The following ZHX3 variants were observed in gnomAD, a reference collection of about 807,000 sequenced individuals.
ZHX3 encodes the protein zinc fingers and homeoboxes protein 3.
In ZHX3, 20 loss-of-function variants were observed where a neutral mutation model predicts 64.5. The ratio of observed to expected loss-of-function variants is 0.31; its 90% CI spans 0.22 to 0.45. The LOEUF (loss-of-function observed/expected upper bound fraction) is 0.45, where lower values mean the gene tolerates loss of function less well. Ranked by LOEUF, ZHX3 falls within the 20% of genes least tolerant of loss-of-function variation. ZHX3 has a pLI of 1.00. For missense variants in ZHX3, 1,041 were observed against 1,195.8 expected (o/e 0.87, Z 1.91); for synonymous variants, 423 against 461.6 (o/e 0.92, Z 1.07).
chr20:41,199,702 C>CTTT (rs34316877), intron 3 of ZHX3, among the ~76,000 whole-genome samples: 22 of 136,744 alleles, frequency 1.6e-4, no homozygotes, highest in African/African-American at 5.4e-4. Context: ...TCAAAAAACT[C>CTTT]TTTTTTTTTT....
At position 41,205,065 on chromosome 20, in the gene ZHX3, A is replaced by G. The variant is rs2038588157; in HGVS notation, c.-149T>C. The stretch of plus-strand genomic sequence containing the variant: ...GCAGAAAGCAGGTTTTCCCTATTCA[A>G]TCTAAGGAAAGGGAGAAAAAAATGA... On this transcript the variant is annotated splice_region_variant and 5_prime_UTR_variant, in exon 3 of 4. Coordinates refer to ENST00000683867, the MANE Select transcript of ZHX3 (RefSeq NM_001384317.1). The G allele has an allele frequency of 3.1e-6, 4 of 1,292,982 alleles. No individual in the cohort carries two copies. The highest frequency in any genetic ancestry group is 3.0e-6 in the Non-Finnish European group (3 of 1,007,026). 80.1% of individuals were successfully genotyped at this position (1,292,982 alleles called of 1,614,324 possible).
Position 41,184,492 on chromosome 20 carries a change from G to A in ZHX3, c.*699C>T, listed in dbSNP as rs187794034. 3.8e-4 allele frequency: 67 copies of A among 176,570 alleles called. No homozygotes were observed. Among genetic ancestry groups the A allele is most frequent in the Middle Eastern group, 2.8e-3 (1 of 360 alleles). 10.9% of individuals were successfully genotyped at this position (176,570 alleles called of 1,614,324 possible). On this transcript the variant is annotated 3_prime_UTR_variant, in exon 4 of 4. Coordinates refer to ENST00000683867, the MANE Select transcript of ZHX3 (RefSeq NM_001384317.1). Reference sequence around the variant, plus strand: ...TAAAGAGAATGGTAAAGCATCCAACGCTAATCACATTGCCAGTCCATTTTT... The same window carrying A: ...TAAAGAGAATGGTAAAGCATCCAACACTAATCACATTGCCAGTCCATTTTT...
chr20:41,244,347 C>T (rs1172014282), intron 2 of ZHX3, among the ~76,000 whole-genome samples: 2 of 152,156 alleles, frequency 1.3e-5, no homozygotes, highest in African/African-American at 4.8e-5. Context: ...CTCTCAGCAA[C>T]TCCCTCAGGT....
At chr20:41,282,224 G>C (rs1264513715) in intron 1 of ZHX3, among the ~76,000 whole-genome samples, 1 of 152,122 alleles carries the variant, frequency 6.6e-6, no homozygotes, top group East Asian at 1.9e-4. Context: ...AGATCCTGTG[G>C]TATGCTGCAA....
rs534492183 is a variant in ZHX3 at position 41,290,414 on chromosome 20, C to T, written c.-244-21331G>A. On this transcript the variant is annotated intron_variant, in intron 1 of 3. Transcript: ENST00000683867. Reference sequence around the variant, plus strand: ...GACAGGTTCACTCCTCCTTAGGCAACCTGGGGGTTCCCTGCTCCCAGGAGG... The same window carrying T: ...GACAGGTTCACTCCTCCTTAGGCAATCTGGGGGTTCCCTGCTCCCAGGAGG... 5 of 152,222 alleles carry T rather than the reference C, an allele frequency of 3.3e-5. No individual in the cohort carries two copies. In the South Asian group the frequency reaches 8.3e-4, roughly 25 times the overall value. The allele number at this position is 152,222 out of a possible 1,614,324, so 9.4% of individuals were successfully genotyped here.
intron 2 of ZHX3, among the ~76,000 whole-genome samples, chr20:41,265,090 G>A (rs1300661721): frequency 1.3e-5 from 2 of 151,808 alleles, no homozygotes; most frequent in African/African-American, 4.8e-5. Flanking sequence ...ACATAAAAAT[G>A]AAGGAGAGAC....
At chr20:41,263,261 A>G (rs1195882060) in intron 2 of ZHX3, among the ~76,000 whole-genome samples, 1 of 152,244 alleles carries the variant, frequency 6.6e-6, no homozygotes, top group Non-Finnish European at 1.5e-5. Flanking sequence ...AATGTAACAA[A>G]ATCATTACAT....
rs1203172799 is a variant in ZHX3, at chr20:41,178,511, A to G, written c.*6680T>C. ...AAGGTTTGAAGTACCATTGAGGCCC[A>G]TTTCAAATTGTACAAGCAATTTGTC... On this transcript the variant is annotated 3_prime_UTR_variant, in exon 4 of 4. Transcript: ENST00000683867. 5 of 152,656 alleles carry G rather than the reference A, an allele frequency of 3.3e-5. No individual in the cohort carries two copies. The highest frequency in any genetic ancestry group is 1.3e-4 in the Admixed American group (2 of 15,288). The allele number at this position is 152,656 out of a possible 1,614,324, so 9.5% of individuals were successfully genotyped here.
chr20:41,305,792 T>TATAA lies in ZHX3; in HGVS notation c.-245+11713_-245+11716dup, dbSNP rs545664258. The stretch of plus-strand genomic sequence containing the variant: ...GAGCGAGACTCTGTCTCAAAAAAAA[T>TATAA]ATAAATAAATAAATAAATAAATAAA... On this transcript the variant is annotated intron_variant, in intron 1 of 3. Coordinates refer to ENST00000683867, the MANE Select transcript of ZHX3 (RefSeq NM_001384317.1). Among the ~76,000 whole-genome samples the TATAA allele has an allele frequency of 3.9e-3, 595 of 151,562 alleles. 6 individuals carry two copies. Among genetic ancestry groups the TATAA allele is most frequent in the African/African-American group, 0.013 (538 of 41,362 alleles).
intron 2 of ZHX3, among the ~76,000 whole-genome samples, chr20:41,238,320 T>G (rs566828631): frequency 6.6e-6 from 1 of 152,090 alleles, no homozygotes; most frequent in South Asian, 2.1e-4. Flanking sequence ...CAACTATTTC[T>G]AACAGAGTTT....
At chr20:41,268,433 AAT>A (rs1021469314) in intron 2 of ZHX3, among the ~76,000 whole-genome samples, 5 of 152,316 alleles carry the variant, frequency 3.3e-5, no homozygotes, top group South Asian at 2.1e-4. Flanking sequence ...TTTAAATTTT[AAT>A]ATGTTTTGTA....
chr20:41,185,304 G>A lies in ZHX3; in HGVS notation c.2861-103C>T, dbSNP rs2036429122. The A allele has an allele frequency of 7.3e-7, 1 of 1,366,236 alleles. No individual in the cohort carries two copies. The highest frequency in any genetic ancestry group is 9.9e-7 in the Non-Finnish European group (1 of 1,008,554). 84.6% of individuals were successfully genotyped at this position (1,366,236 alleles called of 1,614,324 possible). On this transcript the variant is annotated intron_variant, in intron 3 of 3. Coordinates refer to ENST00000683867, the MANE Select transcript of ZHX3 (RefSeq NM_001384317.1). The surrounding 1 kb of genome is among the most constrained non-coding windows in gnomAD (Gnocchi z 5.0). The stretch of plus-strand genomic sequence containing the variant: ...CCAGGGTGGCATCACTGGCTTTGAG[G>A]ACCTCTTAATTCCATGAGCAATGAA...
intron 2 of ZHX3, among the ~76,000 whole-genome samples, chr20:41,225,889 T>C (rs2040235848): frequency 6.6e-6 from 1 of 152,168 alleles, no homozygotes; most frequent in Admixed American, 6.5e-5. Flanking sequence ...AAGATGCAAA[T>C]ACTATACCCA....
In ZHX3 at chr20:41,228,100, A is replaced by G. The variant is rs2040381958; in HGVS notation, c.-150-23034T>C. 6.6e-6 allele frequency among the ~76,000 whole-genome samples: 1 copy of G among 152,022 alleles called. No individual in the cohort carries two copies. Among genetic ancestry groups the G allele is most frequent in the South Asian group, 2.1e-4 (1 of 4,804 alleles). On this transcript the variant is annotated intron_variant, in intron 2 of 3. Coordinates refer to ENST00000683867, the MANE Select transcript of ZHX3 (RefSeq NM_001384317.1). The surrounding 1 kb of genome is among the most constrained non-coding windows in gnomAD (Gnocchi z 4.6). Reference sequence around the variant, plus strand: ...CAAGTCTCAAACCACTCAGGACCCAAAGGAAGTTAAGACCCACACCTCTAT... The same window carrying G: ...CAAGTCTCAAACCACTCAGGACCCAGAGGAAGTTAAGACCCACACCTCTAT...
At chr20:41,196,289 A>T (rs866756967) in intron 3 of ZHX3, among the ~76,000 whole-genome samples, 6 of 124,120 alleles carry the variant, frequency 4.8e-5, no homozygotes, top group Middle Eastern at 7.5e-3. Flanking sequence ...ATATATATAA[A>T]TAAATATATA....
chr20:41,312,739 C>T (rs2045177224), intron 1 of ZHX3, among the ~76,000 whole-genome samples: 1 of 152,072 alleles, frequency 6.6e-6, no homozygotes, highest in South Asian at 2.1e-4. Flanking sequence ...GAGGAGAATA[C>T]GGCATGTTTG....
At position 41,201,957 on chromosome 20, in the gene ZHX3, G is replaced by A; in HGVS notation, c.2860+100C>T. ...TTAATGCTGCTGCCAGGCAGCCTTA[G>A]AGACAGCAGATGCCCCTGTGCAGTA... On this transcript the variant is annotated intron_variant, in intron 3 of 3. Transcript: ENST00000683867. The surrounding 1 kb of genome is among the most constrained non-coding windows in gnomAD (Gnocchi z 5.0). 7.1e-7 allele frequency: 1 copy of A among 1,413,260 alleles called. No homozygotes were observed. 87.5% of individuals were successfully genotyped at this position (1,413,260 alleles called of 1,614,324 possible). A position where few individuals can be genotyped will look rare whatever the true frequency, so the allele number is the denominator to read the frequency against.
chr20:41,300,554 G>C (rs1368937194), intron 1 of ZHX3, among the ~76,000 whole-genome samples: 1 of 152,156 alleles, frequency 6.6e-6, no homozygotes. Context: ...GGGGAGACAA[G>C]TCAACAGGGT....
At chr20:41,231,579 C>A (rs577077218) in intron 2 of ZHX3, among the ~76,000 whole-genome samples, 1 of 152,272 alleles carries the variant, frequency 6.6e-6, no homozygotes, top group East Asian at 1.9e-4. Flanking sequence ...TTGTATGTGG[C>A]TGACTTTCTC....
Sources: gnomAD v4.1 joint callset for allele counts (sites outside exome capture counted in the v4.1 genomes callset) on GRCh38, gnomAD v4.1.1 for gene constraint, Gnocchi (gnomAD v3.1) non-coding constraint, MANE v1.5 for transcripts, NCBI Gene and HGNC (gene_info 2026-07-23, HGNC 2026-07-21) for gene names.